SLC34A2: variants seen among roughly 807,000 people sequenced by gnomAD.
SLC34A2 encodes solute carrier family 34 member 2.
In SLC34A2, 41 loss-of-function variants were observed where a neutral mutation model predicts 50.8. The observed-to-expected ratio is 0.81, with a 90% confidence interval of 0.63 to 1.05. The LOEUF is 1.05. Among genes scored for constraint, SLC34A2 ranks in the 50% least tolerant of loss-of-function variants. The pLI, the probability that SLC34A2 is intolerant of heterozygous loss-of-function variation, is 0.00. For missense variants in SLC34A2, 879 were observed against 876.7 expected, an observed-to-expected ratio of 1.00 and a Z score of -0.03; for synonymous variants, 401 against 364.2, an observed-to-expected ratio of 1.10 and a Z score of -1.15.
chr4:25,657,820 C>T (rs1246824986), intron 1 of SLC34A2, among the ~76,000 whole-genome samples: 1 of 152,168 alleles, frequency 6.6e-6, no homozygotes, highest in Non-Finnish European at 1.5e-5. Flanking sequence ...CTCAAACTCA[C>T]AGGTTCAAGG....
At position 25,674,577 on chromosome 4, in the gene SLC34A2, C is replaced by T; in HGVS notation, c.1406C>T (p.Ala469Val). The change falls in exon 12 of 13, where the codon GCC (alanine) becomes GTC (valine). Residue 469 changes from alanine (A) to valine (V), a missense_variant. Coordinates refer to ENST00000382051, the MANE Select transcript of SLC34A2 (RefSeq NM_006424.3). ...LGSNIGTTTTAILAALASPGN... is the reference protein window; with the variant it reads ...LGSNIGTTTTVILAALASPGN... ...TCCAACATCGGCACCACCACCACCGCCATCCTGGCCGCCTTAGCCAGCCCT... is the reference window on the plus strand; with the variant it reads ...TCCAACATCGGCACCACCACCACCGTCATCCTGGCCGCCTTAGCCAGCCCT... 6.2e-7 allele frequency: 1 copy of T among 1,614,248 alleles called. No homozygotes were observed. Among genetic ancestry groups the T allele is most frequent in the African/African-American group, 1.3e-5 (1 of 75,074 alleles).
At chr4:25,665,567 C>T (rs1392109608) in intron 4 of SLC34A2, among the ~76,000 whole-genome samples, 1 of 152,136 alleles carries the variant, frequency 6.6e-6, no homozygotes, top group Non-Finnish European at 1.5e-5. Context: ...CTCTGGGCTT[C>T]CACCTTCTTT....
Position 25,674,325 on chromosome 4 carries a change from G to A in SLC34A2, c.1246G>A (p.Gly416Ser), listed in dbSNP as rs763851809. 8 of 1,613,932 alleles carry A rather than the reference G, an allele frequency of 5.0e-6. No individual in the cohort carries two copies. Among genetic ancestry groups the A allele is most frequent in the Admixed American group, 1.7e-5 (1 of 59,996 alleles). Residue 416 changes from glycine to serine, a missense_variant, in exon 11 of 13, where the codon GGC becomes AGC. Physicochemically the swap from Gly to Ser is moderately conservative, Grantham distance 56. Transcript: ENST00000382051. ...DFPFPFAWLT[G>S]YLAILVGAGM... ...CCCCTTTCCCTTTGCATGGTTGACTGGCTACCTGGCCATCCTCGTCGGGGC... is the reference window on the plus strand; with the variant it reads ...CCCCTTTCCCTTTGCATGGTTGACTAGCTACCTGGCCATCCTCGTCGGGGC...
At position 25,671,720 on chromosome 4, in the gene SLC34A2, A is replaced by G. The variant is rs143679788; in HGVS notation, c.1047A>G (p.Lys349=). ...KNVTYKENIA[K]CQHIFVNFHL... ...TGACCTACAAGGAGAACATCGCCAA[A>G]TGTGAGTGGAGCTCAGTGGATTGGC... The change falls in exon 9 of 13, where the codon AAA becomes AAG. Residue 349 remains lysine, a splice_region_variant and synonymous_variant. Coordinates refer to ENST00000382051, the MANE Select transcript of SLC34A2 (RefSeq NM_006424.3). 1.2e-5 allele frequency: 20 copies of G among 1,614,092 alleles called. No homozygotes were observed. The African/African-American group carries it at 2.4e-4, about 19-fold the overall frequency.
intron 10 of SLC34A2, 51 bp downstream of exon 10, chr4:25,673,305 G>A (rs750647725): frequency 4.5e-6 from 7 of 1,559,710 alleles, no homozygotes; most frequent in African/African-American, 4.1e-5. Flanking sequence ...ACTGCATGGG[G>A]TGTGGGGGTC....
intron 1 of SLC34A2, among the ~76,000 whole-genome samples, chr4:25,657,966 AT>A (rs1713978249): frequency 6.6e-6 from 1 of 152,132 alleles, no homozygotes. Flanking sequence ...CCTCTTGGGA[AT>A]TTTTGAAGCA....
chr4:25,667,951 G>T lies in SLC34A2; in HGVS notation c.595G>T (p.Val199Phe). ...TGGAACGTCAATCACCAACACTATT[G>T]TTGCGCTCATGCAGGTGGGAGATCG... Reference protein sequence around the residue: ...NIGTSITNTIVALMQVGDRSE... With the variant: ...NIGTSITNTIFALMQVGDRSE... Residue 199 changes from valine to phenylalanine, a missense_variant, in exon 6 of 13, where the codon GTT becomes TTT. By Grantham distance (50) the Val-to-Phe change is conservative. Transcript: ENST00000382051. The T allele has an allele frequency of 6.2e-7, 1 of 1,613,988 alleles. No homozygotes were observed. The highest frequency in any genetic ancestry group is 8.5e-7 in the Non-Finnish European group (1 of 1,179,880).
intron 3 of SLC34A2, among the ~76,000 whole-genome samples, chr4:25,663,836 C>A (rs758856238): frequency 5.3e-5 from 8 of 152,212 alleles, no homozygotes; most frequent in Non-Finnish European, 1.2e-4. Context: ...TTATCTCCGA[C>A]CCTGCACTTA....
Position 25,674,622 on chromosome 4 carries a change from C to A in SLC34A2, c.1451C>A (p.Ser484Ter). The A allele has an allele frequency of 6.2e-7, 1 of 1,614,234 alleles. No individual in the cohort carries two copies. Among genetic ancestry groups the A allele is most frequent in the Non-Finnish European group, 8.5e-7 (1 of 1,180,040 alleles). The part of the protein sequence containing the change: ...LASPGNALRS[S>*]LQIALCHFFF... Reference sequence around the variant, plus strand: ...AGCCCTGGCAATGCATTGAGGAGTTCACTCCAGGTCAGGACTTGGGGCACG... The same window carrying A: ...AGCCCTGGCAATGCATTGAGGAGTTAACTCCAGGTCAGGACTTGGGGCACG... Residue 484 changes from serine (S) to a stop codon, truncating the protein, a stop_gained, in exon 12 of 13, where the codon TCA becomes TAA. Coordinates refer to ENST00000382051, the MANE Select transcript of SLC34A2 (RefSeq NM_006424.3). LOFTEE classifies it low-confidence loss of function (END_TRUNC).
intron 1 of SLC34A2, among the ~76,000 whole-genome samples, chr4:25,660,459 C>T (rs1044809795): frequency 1.3e-5 from 2 of 152,248 alleles, no homozygotes; most frequent in African/African-American, 4.8e-5. Context: ...GTGTTCAACT[C>T]ATAACATCTT....
At position 25,677,488 on chromosome 4, in the gene SLC34A2, A is replaced by G. The variant is rs1233715358; in HGVS notation, c.*739A>G. 1 of 152,244 alleles carries G rather than the reference A, an allele frequency of 6.6e-6. No homozygotes were observed. Among genetic ancestry groups the G allele is most frequent in the African/African-American group, 2.4e-5 (1 of 41,446 alleles). 9.4% of individuals were successfully genotyped at this position (152,244 alleles called of 1,614,324 possible). ...GCTCTTGTCTTCCTAAGAGACAGAG[A>G]GTGGGGCAGATGGAGGAGAAGAAAG... On this transcript the variant is annotated 3_prime_UTR_variant, in exon 13 of 13. Coordinates refer to ENST00000382051, the MANE Select transcript of SLC34A2 (RefSeq NM_006424.3).
intron 12 of SLC34A2, 137 bp downstream of exon 12, chr4:25,674,766 G>A (rs766127487): frequency 9.5e-6 from 11 of 1,159,696 alleles, no homozygotes; most frequent in Non-Finnish European, 1.3e-5. Context: ...GGAAGCCACG[G>A]GTAAAGTTTT....
chr4:25,674,425 C>G lies in SLC34A2; in HGVS notation c.1333+13C>G. On this transcript the variant is annotated intron_variant, in intron 11 of 12. Transcript: ENST00000382051. ...ACCCCCCTGATTGGTGAGTTACACC[C>G]TGGCTTCTCCCTCTGGCCACCACTG... is the stretch of plus-strand genomic sequence containing the variant. 6.2e-7 allele frequency: 1 copy of G among 1,614,142 alleles called. No homozygotes were observed. Among genetic ancestry groups the G allele is most frequent in the Non-Finnish European group, 8.5e-7 (1 of 1,179,956 alleles).
chr4:25,669,519 G>C (rs1714699265), intron 6 of SLC34A2, 128 bp from the exon 7 acceptor site: 1 of 849,642 alleles, frequency 1.2e-6, no homozygotes, highest in South Asian at 1.3e-5. Context: ...AAATGAGATT[G>C]TGTACATGTG....
chr4:25,669,951 G>C, intron 7 of SLC34A2, 109 bp downstream of exon 7: 1 of 1,050,982 alleles, frequency 9.5e-7, no homozygotes, highest in Non-Finnish European at 1.5e-6. Context: ...GGCCTGGCAT[G>C]GTGGCTCACC....
intron 10 of SLC34A2, among the ~76,000 whole-genome samples, chr4:25,673,985 C>T (rs144273894): frequency 5.3e-5 from 8 of 152,254 alleles, no homozygotes; most frequent in South Asian, 2.1e-4. Flanking sequence ...CCAGGGCAGG[C>T]GAGGAAGCAT....
At position 25,669,820 on chromosome 4, in the gene SLC34A2, C is replaced by T. The variant is rs778538325; in HGVS notation, c.809C>T (p.Pro270Leu). The T allele has an allele frequency of 5.0e-6, 8 of 1,614,038 alleles. No homozygotes were observed. Among genetic ancestry groups the T allele is most frequent in the Non-Finnish European group, 6.8e-6 (8 of 1,180,030 alleles). The stretch of plus-strand genomic sequence containing the variant: ...GATCTTCTGAAAGTCATCACTAAGC[C>T]CTTCACAAAGCTCATTGTCCAGGTA... ...APDLLKVITK[P>L]FTKLIVQLDK... is the part of the protein sequence containing the mutation. The change falls in exon 7 of 13, where the codon CCC becomes CTC. Residue 270 changes from proline (P) to leucine (L), a missense_variant. By Grantham distance (98) the Pro-to-Leu change is moderately conservative. Transcript: ENST00000382051.
rs1714720962 is a variant in SLC34A2, at chr4:25,669,835, T to C, written c.824T>C (p.Ile275Thr). 2.5e-6 allele frequency: 4 copies of C among 1,614,110 alleles called. No homozygotes were observed. Among genetic ancestry groups the C allele is most frequent in the South Asian group, 1.1e-5 (1 of 91,082 alleles). Residue 275 changes from isoleucine to threonine, a missense_variant, in exon 7 of 13, where the codon ATT becomes ACT. Coordinates refer to ENST00000382051, the MANE Select transcript of SLC34A2 (RefSeq NM_006424.3). ...KVITKPFTKLIVQLDKKVISQ... is the reference protein window; with the variant it reads ...KVITKPFTKLTVQLDKKVISQ... ...ATCACTAAGCCCTTCACAAAGCTCA[T>C]TGTCCAGGTAACTTAGCTCCTTCAG...
At chr4:25,669,327 C>A (rs909981087) in intron 6 of SLC34A2, among the ~76,000 whole-genome samples, 1 of 152,118 alleles carries the variant, frequency 6.6e-6, no homozygotes, top group African/African-American at 2.4e-5. Flanking sequence ...TGGTCCCCAC[C>A]TTTCCAAAAG....
Sources: gnomAD v4.1 joint callset for allele counts (sites outside exome capture counted in the v4.1 genomes callset) on GRCh38, gnomAD v4.1.1 for gene constraint, MANE v1.5 for transcripts, NCBI Gene and HGNC (gene_info 2026-07-23, HGNC 2026-07-21) for gene names.